Variants in EML6 observed in about 807,000 individuals in gnomAD.
EML6 encodes the protein EMAP like 6.
EML6 carries 154 observed loss-of-function variants against 240.1 expected under a neutral mutation model. The observed-to-expected ratio is 0.64, with a 90% CI of 0.56 to 0.73. The LOEUF is 0.73. EML6 is among the 30% of genes least tolerant of loss of function. The pLI, the probability that EML6 is intolerant of heterozygous loss-of-function variation, is 0.00. For synonymous variants in EML6, 1,148 were observed against 899.0 expected, an observed-to-expected ratio of 1.28 and a Z score of -4.95; for missense variants, 2,964 against 2,474.6, an observed-to-expected ratio of 1.20 and a Z score of -4.20.
chr2:54,934,261 G>A (rs1228808658), intron 28 of EML6, among the ~76,000 whole-genome samples: 1 of 152,144 alleles, frequency 6.6e-6, no homozygotes, highest in East Asian at 1.9e-4. Flanking sequence ...AAGTGTCCCA[G>A]GTTCCTACTG....
chr2:54,788,249 A>G (rs2103884608), intron 2 of EML6, among the ~76,000 whole-genome samples: 1 of 152,308 alleles, frequency 6.6e-6, no homozygotes, highest in East Asian at 1.9e-4. Flanking sequence ...TTGGCCTGCA[A>G]GGCGGGCTGC....
At chr2:54,910,921 T>C in intron 24 of EML6, 33 bp from the exon 25 acceptor site, 3 of 1,120,476 alleles carry the variant, frequency 2.7e-6, no homozygotes, top group Non-Finnish European at 3.9e-6. Context: ...AGTCAGATTT[T>C]AATTATCTCT....
chr2:54,858,087 T>C (rs1670481820), intron 11 of EML6, among the ~76,000 whole-genome samples: 1 of 152,222 alleles, frequency 6.6e-6, no homozygotes, highest in Non-Finnish European at 1.5e-5. Context: ...TCAGGGTCTC[T>C]CATGAGGTTG....
intron 2 of EML6, among the ~76,000 whole-genome samples, chr2:54,803,228 T>C (rs1009310618): frequency 3.3e-5 from 5 of 152,172 alleles, no homozygotes; most frequent in Admixed American, 3.3e-4. Flanking sequence ...GTAGTTTCTG[T>C]ATGGCCAGGA....
intron 25 of EML6, among the ~76,000 whole-genome samples, chr2:54,915,500 G>T (rs1462487596): frequency 6.6e-6 from 1 of 152,090 alleles, no homozygotes; most frequent in Admixed American, 6.6e-5. Flanking sequence ...TAAAACTGAG[G>T]TGATTTCTGG....
intron 2 of EML6, among the ~76,000 whole-genome samples, chr2:54,758,056 C>T (rs1667816403): frequency 6.6e-6 from 1 of 152,084 alleles, no homozygotes; most frequent in Non-Finnish European, 1.5e-5. Context: ...GAATGCCAGT[C>T]ACCGTAATTT....
At chr2:54,818,234 T>C (rs530926591) in intron 4 of EML6, among the ~76,000 whole-genome samples, 1 of 149,914 alleles carries the variant, frequency 6.7e-6, no homozygotes, top group African/African-American at 2.4e-5. Flanking sequence ...ATGTAATCAC[T>C]TTGGCTTGTA....
intron 26 of EML6, among the ~76,000 whole-genome samples, chr2:54,921,618 C>A (rs1474947922): frequency 6.6e-6 from 1 of 151,910 alleles, no homozygotes; most frequent in African/African-American, 2.4e-5. Context: ...ACCTGAATAG[C>A]CAAAGCAATC....
intron 26 of EML6, among the ~76,000 whole-genome samples, chr2:54,922,442 C>G (rs1377284014): frequency 6.6e-6 from 1 of 152,066 alleles, no homozygotes; most frequent in African/African-American, 2.4e-5. Context: ...GTTATGCCCA[C>G]CAACAGTGTA....
chr2:54,959,447 G>A (rs1676393976), intron 34 of EML6, among the ~76,000 whole-genome samples, 186 bp downstream of exon 34: 1 of 152,160 alleles, frequency 6.6e-6, no homozygotes. Context: ...AGAGAGGAGT[G>A]CAGAGGTGGT....
chr2:54,827,317 A>T (rs1203029851), intron 5 of EML6, among the ~76,000 whole-genome samples: 3 of 152,234 alleles, frequency 2.0e-5, no homozygotes, highest in African/African-American at 4.8e-5. Context: ...TTAAACAATG[A>T]GCAAAGCTTT....
At chr2:54,829,312 C>A (rs1487861510) in intron 6 of EML6, 30 bp from the exon 7 acceptor site, 2 of 1,546,450 alleles carry the variant, frequency 1.3e-6, no homozygotes, top group Admixed American at 3.9e-5. Flanking sequence ...GATGGTTGCA[C>A]CATTGAGTAT....
intron 15 of EML6, among the ~76,000 whole-genome samples, chr2:54,870,543 C>G (rs1258756928): frequency 2.6e-5 from 4 of 152,196 alleles, no homozygotes; most frequent in Non-Finnish European, 5.9e-5. Flanking sequence ...TAGAGACCTA[C>G]TGTGTTAGCT....
chr2:54,933,081 T>C (rs947717135), intron 28 of EML6, among the ~76,000 whole-genome samples: 24 of 152,268 alleles, frequency 1.6e-4, no homozygotes, highest in African/African-American at 5.5e-4. Flanking sequence ...CTCTGGGTTA[T>C]TACAGTTCTT....
At position 54,929,178 on chromosome 2, in the gene EML6, A is replaced by G. The variant is rs114617892; in HGVS notation, c.4004+427A>G. Among the ~76,000 whole-genome samples, 1,047 of 152,278 alleles carry G rather than the reference A, an allele frequency of 6.9e-3. 8 individuals are homozygous for G. Among genetic ancestry groups the G allele is most frequent in the African/African-American group, 0.021 (873 of 41,542 alleles). On this transcript the variant is annotated intron_variant, in intron 28 of 41. Coordinates refer to ENST00000356458, the MANE Select transcript of EML6 (RefSeq NM_001039753.4). ...AAAACCATCTTCCATTCTAACCAGAATCTGTGCCTTATACTCCATTCACTT... is the reference window on the plus strand; with the variant it reads ...AAAACCATCTTCCATTCTAACCAGAGTCTGTGCCTTATACTCCATTCACTT...
At chr2:54,797,168 A>AAAAAAAAAAAAAAAAAAAAC (rs1669841356) in intron 2 of EML6, among the ~76,000 whole-genome samples, 2 of 125,906 alleles carry the variant, frequency 1.6e-5, no homozygotes, top group African/African-American at 2.8e-5. Context: ...CCATCTCAAA[A>AAAAAAAAAAAAAAAAAAAAC]AAAAAAAAAA....
intron 2 of EML6, among the ~76,000 whole-genome samples, chr2:54,761,572 C>A (rs1667983331): frequency 6.6e-6 from 1 of 152,060 alleles, no homozygotes; most frequent in Non-Finnish European, 1.5e-5. Context: ...AATCACATTG[C>A]AATTTGGTCA....
chr2:54,760,503 C>G (rs1667929386), intron 2 of EML6, among the ~76,000 whole-genome samples: 1 of 152,088 alleles, frequency 6.6e-6, no homozygotes. Context: ...TAGAGGTGGA[C>G]TTGGTTAGTC....
chr2:54,839,714 C>A (rs569514961), intron 7 of EML6, among the ~76,000 whole-genome samples: 1 of 152,200 alleles, frequency 6.6e-6, no homozygotes, highest in Non-Finnish European at 1.5e-5. Flanking sequence ...ACTCCCGCCT[C>A]TTGCTGTCCT....
Sources: allele counts gnomAD v4.1 joint callset (sites outside exome capture counted in the v4.1 genomes callset), GRCh38; gene constraint gnomAD v4.1.1; transcripts MANE v1.5; gene names NCBI Gene and HGNC (gene_info 2026-07-23, HGNC 2026-07-21).